The following STK32B variants were observed in gnomAD, a reference collection of about 807,000 sequenced individuals.
STK32B encodes the protein serine/threonine kinase 32B.
STK32B carries 43 observed loss-of-function variants against 52.6 expected under a neutral mutation model. The ratio of observed to expected loss-of-function variants is 0.82; its 90% confidence interval spans 0.64 to 1.05. The LOEUF (loss-of-function observed/expected upper bound fraction) is 1.05. Among genes scored for constraint, STK32B ranks in the 50% least tolerant of loss-of-function variants. The pLI is 0.00. For missense variants in STK32B, 621 were observed against 534.6 expected, an observed-to-expected ratio of 1.16 and a Z score of -1.59; for synonymous variants, 238 against 204.3, an observed-to-expected ratio of 1.17 and a Z score of -1.41.
At chr4:5,064,948 A>G (rs979279557) in intron 1 of STK32B, among the ~76,000 whole-genome samples, 15 of 151,058 alleles carry the variant, frequency 9.9e-5, no homozygotes, top group African/African-American at 2.7e-4. Flanking sequence ...ATTTCTTCTT[A>G]GTTTCAGTGA....
the STK32B span, among the ~76,000 whole-genome samples, chr4:5,041,648 G>A: frequency 3.9e-5 from 6 of 152,018 alleles, no homozygotes; most frequent in East Asian, 1.9e-4. Flanking sequence ...GCACACACAC[G>A]CACACATAAA....
chr4:5,112,998 A>T (rs1714488399), intron 1 of STK32B, among the ~76,000 whole-genome samples: 2 of 152,142 alleles, frequency 1.3e-5, no homozygotes, highest in African/African-American at 4.8e-5. Context: ...ACTGACAATA[A>T]CCAAAGAAGG....
At chr4:5,436,650 G>A (rs542725733) in intron 6 of STK32B, 3 of 985,430 alleles carry the variant, frequency 3.0e-6, no homozygotes, top group African/African-American at 3.5e-5. Context: ...GCAAAGCTGA[G>A]GAAGGGAGGG....
intron 6 of STK32B, among the ~76,000 whole-genome samples, chr4:5,426,568 G>A (rs1021986479): frequency 4.6e-5 from 7 of 151,826 alleles, no homozygotes; most frequent in Admixed American, 3.3e-4. Context: ...TTAACTGGGT[G>A]TGGTGGTGTG....
intron 4 of STK32B, among the ~76,000 whole-genome samples, chr4:5,357,913 C>T (rs1299309269): frequency 6.6e-6 from 1 of 152,100 alleles, no homozygotes; most frequent in Non-Finnish European, 1.5e-5. Flanking sequence ...TCTTTCATTA[C>T]CCTGTGGTTC....
At chr4:5,054,024 G>C (rs2108752563) in intron 1 of STK32B, among the ~76,000 whole-genome samples, 1 of 105,022 alleles carries the variant, frequency 9.5e-6, no homozygotes, top group Non-Finnish European at 2.0e-5. Flanking sequence ...TATAAGGTTA[G>C]GGCTCTCCTC....
intron 3 of STK32B, among the ~76,000 whole-genome samples, chr4:5,242,661 G>A (rs1486486669): frequency 2.6e-5 from 4 of 152,172 alleles, no homozygotes; most frequent in East Asian, 1.9e-4. Flanking sequence ...CCATGCCTAT[G>A]TCCTGAATGG....
At chr4:5,391,006 C>CCCA (rs71640203) in intron 4 of STK32B, among the ~76,000 whole-genome samples, 9,712 of 143,464 alleles carry the variant, frequency 0.068, 365 homozygotes, top group African/African-American at 0.08. Context: ...CACTCTGTTG[C>CCCA]CCACGCTGGA....
chr4:5,183,537 G>T (rs571639452), intron 3 of STK32B, among the ~76,000 whole-genome samples: 2 of 151,868 alleles, frequency 1.3e-5, no homozygotes, highest in African/African-American at 4.8e-5. Context: ...ATTCTTTCTA[G>T]ATGTTAAAGT....
intron 4 of STK32B, among the ~76,000 whole-genome samples, chr4:5,352,242 C>A (rs985009201): frequency 6.6e-6 from 1 of 151,994 alleles, no homozygotes; most frequent in African/African-American, 2.4e-5. Context: ...AAAAATTAAT[C>A]CACATGATCA....
At chr4:5,246,152 A>C (rs11945587) in intron 3 of STK32B, among the ~76,000 whole-genome samples, 26,191 of 152,212 alleles carry the variant, frequency 0.17, 2,625 homozygotes, top group African/African-American at 0.26. Context: ...CTCTTGGATA[A>C]TATCCTGCAG....
intron 3 of STK32B, among the ~76,000 whole-genome samples, chr4:5,215,594 T>G (rs1723136776): frequency 6.6e-6 from 1 of 152,196 alleles, no homozygotes; most frequent in South Asian, 2.1e-4. Context: ...GTTTTTTATT[T>G]ACAGTCATTT....
chr4:5,030,980 T>C, the STK32B span, among the ~76,000 whole-genome samples: 56 of 152,154 alleles, frequency 3.7e-4, 1 homozygote, highest in Middle Eastern at 0.014. Flanking sequence ...TTTTAAATAA[T>C]TGTGGAAGCT....
At position 5,260,945 on chromosome 4, in the gene STK32B, T is replaced by G. The variant is rs543521067; in HGVS notation, c.261-70275T>G. 1.1e-3 allele frequency among the ~76,000 whole-genome samples: 162 copies of G among 152,026 alleles called. 1 individual carries two copies. The highest frequency in any genetic ancestry group is 3.8e-3 in the African/African-American group (157 of 41,446). ...TCTGAAGCTGGATGGCTCTTCAGAG[T>G]TGTCCTGAGTTGAGGTGAGAGGGCC... On this transcript the variant is annotated intron_variant, in intron 3 of 11. Transcript: ENST00000282908.
intron 3 of STK32B, among the ~76,000 whole-genome samples, chr4:5,265,505 T>C (rs1046366968): frequency 1.3e-5 from 2 of 152,192 alleles, no homozygotes; most frequent in East Asian, 1.9e-4. Context: ...TCAGAGCTAA[T>C]TGAAATGATG....
rs567863708 is a variant in STK32B, at chr4:5,081,499, C to G, written c.52+29584C>G. ...TTTTTCATCCTGGTATTCCCATATT[C>G]CCATAGTCCATCTATTATTTCTGTT... On this transcript the variant is annotated intron_variant, in intron 1 of 11. Coordinates refer to ENST00000282908, the MANE Select transcript of STK32B (RefSeq NM_018401.3). Among the ~76,000 whole-genome samples, 3 of 152,190 alleles carry G rather than the reference C, an allele frequency of 2.0e-5. No individual in the cohort carries two copies. The South Asian group carries it at 6.2e-4, about 32-fold the overall frequency.
rs1720747852 is a variant in STK32B, at chr4:5,186,475, C to T, written c.260+18025C>T. The stretch of plus-strand genomic sequence containing the variant: ...AGGAAGACAGTTCCTCCCTGTCTTA[C>T]AGGTGAGAGAAGACAGATGCTAACC... On this transcript the variant is annotated intron_variant, in intron 3 of 11. Coordinates refer to ENST00000282908, the MANE Select transcript of STK32B (RefSeq NM_018401.3). 2.0e-5 allele frequency among the ~76,000 whole-genome samples: 3 copies of T among 152,180 alleles called. No homozygotes were observed. The South Asian group carries it at 6.2e-4, about 31-fold the overall frequency.
At chr4:5,094,911 TC>T (rs1713297798) in intron 1 of STK32B, among the ~76,000 whole-genome samples, 1 of 152,164 alleles carries the variant, frequency 6.6e-6, no homozygotes, top group Non-Finnish European at 1.5e-5. Flanking sequence ...GTATGGCAGT[TC>T]ATTAATTCAC....
At chr4:5,365,065 G>A (rs574206193) in intron 4 of STK32B, among the ~76,000 whole-genome samples, 2 of 152,104 alleles carry the variant, frequency 1.3e-5, no homozygotes, top group East Asian at 1.9e-4. Context: ...TAGTGGAGAT[G>A]GGGTTTCACC....
Sources: allele counts gnomAD v4.1 joint callset (sites outside exome capture counted in the v4.1 genomes callset), GRCh38; gene constraint gnomAD v4.1.1; transcripts MANE v1.5; gene names NCBI Gene and HGNC (gene_info 2026-07-23, HGNC 2026-07-21).